ARHGAP15: variants seen among roughly 807,000 people sequenced by gnomAD.
ARHGAP15 encodes Rho GTPase activating protein 15.
A neutral mutation model predicts 63.7 loss-of-function variants in ARHGAP15; 51 were observed. The observed-to-expected ratio is 0.80, with a 90% CI of 0.64 to 1.01. The LOEUF (loss-of-function observed/expected upper bound fraction) is 1.01, where lower values mean the gene tolerates loss of function less well. Among genes scored for constraint, ARHGAP15 ranks in the 50% least tolerant of loss-of-function variants. The pLI is 0.00. For missense variants in ARHGAP15, 560 were observed against 564.6 expected (o/e 0.99, Z 0.08); for synonymous variants, 191 against 193.8 (o/e 0.99, Z 0.12).
At chr2:143,275,875 G>GGT (rs1477827835) in intron 6 of ARHGAP15, among the ~76,000 whole-genome samples, 2 of 152,150 alleles carry the variant, frequency 1.3e-5, no homozygotes, top group African/African-American at 2.4e-5. Flanking sequence ...TTTCCCTCCT[G>GGT]GTGTGCCCTC....
intron 6 of ARHGAP15, among the ~76,000 whole-genome samples, chr2:143,253,218 T>G (rs1409026935): frequency 7.0e-6 from 1 of 143,612 alleles, no homozygotes; most frequent in East Asian, 1.9e-4. Context: ...TTAAAAAGTT[T>G]GATGGATTAG....
chr2:143,346,224 ACACACTCT>A (rs1685282314), intron 6 of ARHGAP15, among the ~76,000 whole-genome samples: 1 of 130,696 alleles, frequency 7.7e-6, no homozygotes, highest in Non-Finnish European at 1.6e-5. Flanking sequence ...TCTCTCTCAC[ACACACTCT>A]CTCTCACACA....
At chr2:143,136,498 T>C (rs1245914721) in intron 1 of ARHGAP15, among the ~76,000 whole-genome samples, 1 of 152,132 alleles carries the variant, frequency 6.6e-6, no homozygotes, top group Non-Finnish European at 1.5e-5. Context: ...TGTTGATTTG[T>C]ACATGTTTGA....
chr2:143,540,686 A>C (rs1399433298), intron 10 of ARHGAP15, among the ~76,000 whole-genome samples: 7 of 152,154 alleles, frequency 4.6e-5, no homozygotes, highest in Admixed American at 3.3e-4. Context: ...CTTTTCTTTA[A>C]GAATGTTGAG....
At chr2:143,491,153 A>G (rs564773422) in intron 9 of ARHGAP15, among the ~76,000 whole-genome samples, 2 of 152,314 alleles carry the variant, frequency 1.3e-5, no homozygotes, top group African/African-American at 2.4e-5. Flanking sequence ...ATATGAGTTT[A>G]TTAACATTGA....
chr2:143,332,328 G>T (rs1217862832), intron 6 of ARHGAP15, among the ~76,000 whole-genome samples: 3 of 152,014 alleles, frequency 2.0e-5, no homozygotes, highest in African/African-American at 7.2e-5. Context: ...CGTCTCGATG[G>T]TGAGATATAA....
chr2:143,202,578 G>T (rs2105114597), intron 3 of ARHGAP15, among the ~76,000 whole-genome samples: 1 of 149,738 alleles, frequency 6.7e-6, no homozygotes, highest in South Asian at 2.1e-4. Flanking sequence ...GGGAGAGTTT[G>T]CTAGCAAGAT....
At chr2:143,451,207 T>C (rs1190695571) in intron 8 of ARHGAP15, among the ~76,000 whole-genome samples, 2 of 151,948 alleles carry the variant, frequency 1.3e-5, no homozygotes, top group Admixed American at 1.3e-4. Context: ...GATAGCAAAG[T>C]ACAAAATGTC....
intron 8 of ARHGAP15, among the ~76,000 whole-genome samples, chr2:143,471,005 GATAA>G (rs1558993594): frequency 1.0e-5 from 1 of 96,116 alleles, no homozygotes; most frequent in South Asian, 3.2e-4. Flanking sequence ...TGTGTGTATA[GATAA>G]AGAAGATATG....
chr2:143,270,612 T>C (rs1177317278), intron 6 of ARHGAP15, among the ~76,000 whole-genome samples: 5 of 152,228 alleles, frequency 3.3e-5, no homozygotes, highest in African/African-American at 9.6e-5. Flanking sequence ...TACATACTAC[T>C]TTCCTGTTTA....
chr2:143,665,920 G>T (rs1682145555), intron 12 of ARHGAP15, among the ~76,000 whole-genome samples: 1 of 141,576 alleles, frequency 7.1e-6, no homozygotes, highest in Admixed American at 7.0e-5. Flanking sequence ...AATAAAAGAG[G>T]ATACAAACAA....
intron 12 of ARHGAP15, among the ~76,000 whole-genome samples, chr2:143,673,540 T>C (rs768788051): frequency 4.0e-5 from 6 of 151,280 alleles, no homozygotes; most frequent in Non-Finnish European, 8.9e-5. Context: ...TCCAGTGATA[T>C]ACCTGCCTTG....
intron 12 of ARHGAP15, among the ~76,000 whole-genome samples, chr2:143,651,346 G>T (rs774540295): frequency 9.9e-5 from 15 of 151,748 alleles, no homozygotes; most frequent in Non-Finnish European, 1.8e-4. Flanking sequence ...TTTTTATCTG[G>T]TTTATTTTAT....
intron 1 of ARHGAP15, among the ~76,000 whole-genome samples, chr2:143,136,646 C>A (rs577777151): frequency 5.9e-5 from 9 of 151,490 alleles, no homozygotes; most frequent in Admixed American, 4.6e-4. Flanking sequence ...ACCGTTAAGT[C>A]TCCCAATCCT....
At chr2:143,468,921 C>A (rs1242526980) in intron 8 of ARHGAP15, among the ~76,000 whole-genome samples, 1 of 152,170 alleles carries the variant, frequency 6.6e-6, no homozygotes, top group Non-Finnish European at 1.5e-5. Flanking sequence ...TCTCTAACTT[C>A]TCTGCCCAGA....
chr2:143,374,836 C>A (rs966166324), intron 6 of ARHGAP15, among the ~76,000 whole-genome samples: 3 of 152,082 alleles, frequency 2.0e-5, no homozygotes, highest in African/African-American at 7.2e-5. Flanking sequence ...TTCTACCCCA[C>A]CAGACTAATG....
intron 12 of ARHGAP15, 86 bp from the exon 13 acceptor site, chr2:143,703,333 A>G: frequency 1.0e-5 from 11 of 1,087,996 alleles, no homozygotes; most frequent in Non-Finnish European, 1.4e-5. Context: ...TCTCAGTCCA[A>G]AATTTTCTCA....
chr2:143,630,561 CTCTA>C (rs1699025115), intron 12 of ARHGAP15, among the ~76,000 whole-genome samples: 1 of 151,996 alleles, frequency 6.6e-6, no homozygotes, highest in African/African-American at 2.4e-5. Context: ...TAGATAATAT[CTCTA>C]CTTTTGATTT....
At chr2:143,479,067 A>G (rs924307241) in intron 8 of ARHGAP15, among the ~76,000 whole-genome samples, 1 of 152,334 alleles carries the variant, frequency 6.6e-6, no homozygotes, top group East Asian at 1.9e-4. Context: ...AAATGTGCAA[A>G]CAAATACGTA....
Sources: allele counts gnomAD v4.1 joint callset (sites outside exome capture counted in the v4.1 genomes callset), GRCh38; gene constraint gnomAD v4.1.1; transcripts MANE v1.5; gene names NCBI Gene and HGNC (gene_info 2026-07-23, HGNC 2026-07-21).